Variants in MTUS2 observed in about 807,000 individuals in gnomAD.
The protein encoded by MTUS2 is microtubule associated scaffold protein 2, also known as microtubule-associated tumor suppressor candidate 2.
MTUS2 carries 40 observed loss-of-function variants against 114.1 expected under a neutral mutation model. The ratio of observed to expected loss-of-function variants is 0.35; its 90% CI spans 0.27 to 0.46. MTUS2 has a LOEUF of 0.46. Among genes scored for constraint, MTUS2 ranks in the 20% least tolerant of loss-of-function variants. The pLI is 1.00. For synonymous variants in MTUS2, 688 were observed against 672.0 expected (o/e 1.02, Z -0.37); for missense variants, 1,679 against 1,705.4 (o/e 0.98, Z 0.27).
chr13:28,881,940 A>G (rs893983776), intron 2 of MTUS2, among the ~76,000 whole-genome samples: 2 of 152,252 alleles, frequency 1.3e-5, no homozygotes, highest in African/African-American at 4.8e-5. Flanking sequence ...TGACAAAGGT[A>G]TCAAGGTATT....
chr13:28,980,061 C>A (rs983230890), intron 2 of MTUS2, among the ~76,000 whole-genome samples: 1 of 152,016 alleles, frequency 6.6e-6, no homozygotes, highest in Admixed American at 6.6e-5. Flanking sequence ...CTACATGATG[C>A]GTTTTGAAAA....
At chr13:29,218,400 G>C (rs1468987943) in intron 5 of MTUS2, among the ~76,000 whole-genome samples, 3 of 152,164 alleles carry the variant, frequency 2.0e-5, no homozygotes, top group Non-Finnish European at 4.4e-5. Context: ...ATGTGGGTTG[G>C]AATCAATTTC....
chr13:29,213,285 T>A (rs1188917544), intron 5 of MTUS2, among the ~76,000 whole-genome samples: 1 of 152,210 alleles, frequency 6.6e-6, no homozygotes, highest in Non-Finnish European at 1.5e-5. Flanking sequence ...TGGTAAACAT[T>A]TCATGCCTAT....
intron 5 of MTUS2, among the ~76,000 whole-genome samples, chr13:29,236,535 T>C (rs1273192953): frequency 3.9e-5 from 6 of 152,230 alleles, no homozygotes; most frequent in Non-Finnish European, 8.8e-5. Context: ...AAGGCAACCA[T>C]GCAGACTCTT....
chr13:29,503,133 C>G lies in MTUS2; in HGVS notation c.4037C>G (p.Pro1346Arg). 1.2e-6 allele frequency: 2 copies of G among 1,614,222 alleles called. No individual in the cohort carries two copies. Among genetic ancestry groups the G allele is most frequent in the Non-Finnish European group, 1.7e-6 (2 of 1,180,032 alleles). The change falls in exon 16 of 16, where the codon CCC becomes CGC. Residue 1346 changes from proline to arginine, a missense_variant. Coordinates refer to ENST00000612955, the MANE Select transcript of MTUS2 (RefSeq NM_001033602.4). The part of the protein sequence containing the change: ...GDPTSPIKLS[P>R]TSPVYRGSSS... ...CCGACCAGTCCGATTAAACTCTCGC[C>G]CACATCTCCCGTTTACCGCGGCTCC... is the stretch of plus-strand genomic sequence containing the variant.
chr13:29,425,097 C>T (rs1483306059), intron 8 of MTUS2, among the ~76,000 whole-genome samples: 1 of 152,114 alleles, frequency 6.6e-6, no homozygotes, highest in Admixed American at 6.5e-5. Flanking sequence ...TAGGGTTTTG[C>T]TTAGAAAATA....
At chr13:29,434,684 G>C (rs1020259676) in intron 8 of MTUS2, among the ~76,000 whole-genome samples, 1 of 152,184 alleles carries the variant, frequency 6.6e-6, no homozygotes, top group African/African-American at 2.4e-5. Flanking sequence ...ACAAGGACAG[G>C]CGTTTTCACT....
intron 2 of MTUS2, among the ~76,000 whole-genome samples, chr13:28,949,809 T>A (rs1057470046): frequency 6.6e-6 from 1 of 151,458 alleles, no homozygotes; most frequent in African/African-American, 2.5e-5. Flanking sequence ...TAAGGCTGAA[T>A]GATATTCCAC....
At chr13:29,355,390 T>C (rs1468587849) in intron 7 of MTUS2, among the ~76,000 whole-genome samples, 1 of 152,156 alleles carries the variant, frequency 6.6e-6, no homozygotes, top group Non-Finnish European at 1.5e-5. Context: ...TACAAAGAGA[T>C]TATGATTGGG....
At chr13:29,294,411 AGG>A (rs1898849530) in intron 6 of MTUS2, among the ~76,000 whole-genome samples, 1 of 152,206 alleles carries the variant, frequency 6.6e-6, no homozygotes, top group Non-Finnish European at 1.5e-5. Context: ...CTGTTCATTT[AGG>A]TTGCTTTCAG....
At chr13:28,898,633 G>A (rs528318078) in intron 2 of MTUS2, among the ~76,000 whole-genome samples, 6 of 152,286 alleles carry the variant, frequency 3.9e-5, no homozygotes, top group Non-Finnish European at 7.3e-5. Context: ...CTGGGGGCTT[G>A]GCATTCATTA....
At chr13:29,252,440 C>G (rs936395744) in intron 5 of MTUS2, among the ~76,000 whole-genome samples, 1 of 152,158 alleles carries the variant, frequency 6.6e-6, no homozygotes, top group Non-Finnish European at 1.5e-5. Context: ...CTAAATGCGT[C>G]CTGGCCACAG....
intron 2 of MTUS2, among the ~76,000 whole-genome samples, chr13:28,843,733 G>A (rs1374477118): frequency 6.6e-6 from 1 of 152,186 alleles, no homozygotes; most frequent in Admixed American, 6.5e-5. Context: ...CTGTAGCCAG[G>A]AATTAAACCT....
At chr13:28,984,097 CCTT>C (rs1884474086) in intron 2 of MTUS2, among the ~76,000 whole-genome samples, 1 of 152,170 alleles carries the variant, frequency 6.6e-6, no homozygotes, top group Non-Finnish European at 1.5e-5. Flanking sequence ...CAAAGGGAGT[CCTT>C]CTTGTCAGTT....
rs560718331 is a variant in MTUS2 at position 29,021,864 on chromosome 13, A to G, written c.-242-2593A>G. On this transcript the variant is annotated intron_variant, in intron 2 of 15. Transcript: ENST00000612955. ...TCTGTGTCAGGAAATGAAGACTGTGATCAGGGTATGAGCAACTTGGTTGAG... is the reference window on the plus strand; with the variant it reads ...TCTGTGTCAGGAAATGAAGACTGTGGTCAGGGTATGAGCAACTTGGTTGAG... 2.6e-5 allele frequency among the ~76,000 whole-genome samples: 4 copies of G among 152,312 alleles called. No homozygotes were observed. In the South Asian group the frequency reaches 8.3e-4, roughly 32 times the overall value.
At chr13:28,976,882 C>T (rs1199896511) in intron 2 of MTUS2, among the ~76,000 whole-genome samples, 1 of 152,092 alleles carries the variant, frequency 6.6e-6, no homozygotes, top group Non-Finnish European at 1.5e-5. Flanking sequence ...CATGACTGTA[C>T]AAAACAAATT....
At chr13:29,273,215 G>A (rs1332989723) in intron 5 of MTUS2, among the ~76,000 whole-genome samples, 1 of 152,248 alleles carries the variant, frequency 6.6e-6, no homozygotes, top group Non-Finnish European at 1.5e-5. Flanking sequence ...TAAGAAAAGT[G>A]AAGGGGTTTA....
At chr13:29,135,864 T>C (rs1891956833) in intron 5 of MTUS2, among the ~76,000 whole-genome samples, 1 of 152,244 alleles carries the variant, frequency 6.6e-6, no homozygotes, top group African/African-American at 2.4e-5. Flanking sequence ...AAATTACGTC[T>C]TTATTTGTTG....
chr13:29,459,736 A>G (rs1879356483), intron 9 of MTUS2, among the ~76,000 whole-genome samples: 2 of 152,224 alleles, frequency 1.3e-5, no homozygotes, highest in African/African-American at 2.4e-5. Context: ...TATGATAAAG[A>G]GATCCTTCTG....
Sources: allele counts gnomAD v4.1 joint callset (sites outside exome capture counted in the v4.1 genomes callset), GRCh38; gene constraint gnomAD v4.1.1; transcripts MANE v1.5; gene names NCBI Gene and HGNC (gene_info 2026-07-23, HGNC 2026-07-21).